Variants in EYA1 observed in about 807,000 individuals in gnomAD.
The protein encoded by EYA1 is protein phosphatase EYA1.
A neutral mutation model predicts 82.0 loss-of-function variants in EYA1; 16 were observed. The ratio of observed to expected loss-of-function variants is 0.20; its 90% CI spans 0.13 to 0.30. The LOEUF (loss-of-function observed/expected upper bound fraction) is 0.30. Among genes scored for constraint, EYA1 ranks in the 10% least tolerant of loss-of-function variants. The probability of loss-of-function intolerance (pLI) is 1.00; values close to 1 mark genes in which losing one functional copy is unlikely to be tolerated. For synonymous variants in EYA1, 261 were observed against 264.4 expected (o/e 0.99, Z 0.12); for missense variants, 633 against 730.7 (o/e 0.87, Z 1.54).
In EYA1 at chr8:71,271,841, A is replaced by T. The variant is rs1816577322; in HGVS notation, c.883T>A (p.Leu295Met). The change falls in exon 10 of 18, where the codon TTG becomes ATG. Residue 295 changes from leucine (L) to methionine (M), a missense_variant. By Grantham distance (15) the Leu-to-Met change is conservative. Coordinates refer to ENST00000340726, the MANE Select transcript of EYA1 (RefSeq NM_000503.6). ...TPIKDSDSDR[L>M]RRGSDGKSRG... is the part of the protein sequence containing the mutation. ...GATTTCCCATCTGAACCTCGACGCA[A>T]TCGATCAGAATCTGAATCTTTAATG... is the stretch of plus-strand genomic sequence containing the variant. 6.2e-7 allele frequency: 1 copy of T among 1,614,154 alleles called. No homozygotes were observed. The highest frequency in any genetic ancestry group is 1.3e-5 in the African/African-American group (1 of 75,024).
intron 17 of EYA1, among the ~76,000 whole-genome samples, chr8:71,209,280 G>A (rs1467365062): frequency 6.6e-6 from 1 of 152,194 alleles, no homozygotes; most frequent in African/African-American, 2.4e-5. Flanking sequence ...GACTTAGGCT[G>A]GGAAAGGTTT....
At chr8:71,252,741 T>A (rs1344384653) in intron 11 of EYA1, among the ~76,000 whole-genome samples, 1 of 152,226 alleles carries the variant, frequency 6.6e-6, no homozygotes, top group African/African-American at 2.4e-5. Context: ...AGATGGGATC[T>A]GAGCAATGCA....
chr8:71,529,645 T>C (rs1322290551), intron 2 of EYA1: 2 of 152,274 alleles, frequency 1.3e-5, no homozygotes, highest in Non-Finnish European at 2.9e-5. Flanking sequence ...CGACCTGCTC[T>C]ATCAGGCACA....
At chr8:71,341,151 T>C (rs1310419076) in intron 3 of EYA1, among the ~76,000 whole-genome samples, 1 of 152,090 alleles carries the variant, frequency 6.6e-6, no homozygotes, top group East Asian at 1.9e-4. Context: ...CCCGCCCGAA[T>C]CAGTAAAAAG....
Position 71,462,566 on chromosome 8 carries a change from C to T in EYA1, c.33+73178G>A, listed in dbSNP as rs1243742508. Reference sequence around the variant, plus strand: ...TGTGCAGGTGGCCCCAGCAGCTCAGCCCAGCCCTAGTGACCCCCAGGGTGG... The same window carrying T: ...TGTGCAGGTGGCCCCAGCAGCTCAGTCCAGCCCTAGTGACCCCCAGGGTGG... On this transcript the variant is annotated intron_variant, in intron 2 of 18. Transcript: ENST00000643681. 3.3e-5 allele frequency among the ~76,000 whole-genome samples: 5 copies of T among 152,300 alleles called. No individual in the cohort carries two copies. In the East Asian group the frequency reaches 5.8e-4, roughly 18 times the overall value.
intron 2 of EYA1, among the ~76,000 whole-genome samples, chr8:71,447,754 C>A (rs1331131508): frequency 1.3e-5 from 2 of 152,136 alleles, no homozygotes; most frequent in Non-Finnish European, 2.9e-5. Flanking sequence ...TCTAATAATA[C>A]AATGTACACA....
intron 14 of EYA1, 33 bp from the exon 15 acceptor site, chr8:71,215,761 C>A: frequency 7.1e-7 from 1 of 1,400,552 alleles, no homozygotes; most frequent in Admixed American, 1.7e-5. Flanking sequence ...TGAACTACTT[C>A]CTGACCAACA....
intron 1 of EYA1, among the ~76,000 whole-genome samples, chr8:71,359,295 T>C (rs2129075482): frequency 6.6e-6 from 1 of 152,292 alleles, no homozygotes; most frequent in South Asian, 2.1e-4. Context: ...TCAATTTGTC[T>C]CTCTCATTTT....
At chr8:71,221,639 C>T (rs965920801) in intron 12 of EYA1, among the ~76,000 whole-genome samples, 2 of 152,170 alleles carry the variant, frequency 1.3e-5, no homozygotes, top group Admixed American at 6.5e-5. Context: ...GAGGGCTCTT[C>T]GCCACCCACT....
chr8:71,412,271 C>G (rs1183808244), intron 2 of EYA1, among the ~76,000 whole-genome samples: 1 of 144,288 alleles, frequency 6.9e-6, no homozygotes, highest in East Asian at 2.1e-4. Context: ...GGAGATATAC[C>G]TAATGCTAGA....
Position 71,240,707 on chromosome 8 carries a change from T to C in EYA1, c.1140+3896A>G, listed in dbSNP as rs545853181. On this transcript the variant is annotated intron_variant, in intron 12 of 17. Coordinates refer to ENST00000340726, the MANE Select transcript of EYA1 (RefSeq NM_000503.6). ...CCAGACAGAAGAAGAAAATTCAACA[T>C]GAACTTAAAGCATTATTTTTATTTA... Among the ~76,000 whole-genome samples, 11 of 152,300 alleles carry C rather than the reference T, an allele frequency of 7.2e-5. No individual in the cohort carries two copies. The South Asian group carries it at 2.3e-3, about 32-fold the overall frequency.
intron 2 of EYA1, among the ~76,000 whole-genome samples, chr8:71,392,460 T>C (rs570895489): frequency 4.3e-4 from 66 of 152,310 alleles, no homozygotes; most frequent in Non-Finnish European, 4.6e-4. Context: ...GTTTTGCTCT[T>C]CCTCCCTAAT....
chr8:71,245,616 G>T (rs569543572), intron 11 of EYA1, among the ~76,000 whole-genome samples: 9 of 151,820 alleles, frequency 5.9e-5, no homozygotes, highest in African/African-American at 2.2e-4. Context: ...TCTTCTTCCA[G>T]TGTGGCCCAG....
At chr8:71,421,115 C>G (rs919759227) in intron 2 of EYA1, among the ~76,000 whole-genome samples, 1 of 152,144 alleles carries the variant, frequency 6.6e-6, no homozygotes, top group Non-Finnish European at 1.5e-5. Flanking sequence ...ATGGGGCTCT[C>G]TGAGCCTAGG....
intron 2 of EYA1, among the ~76,000 whole-genome samples, chr8:71,526,644 A>G (rs939448464): frequency 6.6e-6 from 1 of 152,236 alleles, no homozygotes; most frequent in Non-Finnish European, 1.5e-5. Context: ...GCCCCTCCAC[A>G]GGGATGCCTG....
chr8:71,265,473 T>G (rs1024210705), intron 11 of EYA1, among the ~76,000 whole-genome samples: 1 of 152,228 alleles, frequency 6.6e-6, no homozygotes, highest in African/African-American at 2.4e-5. Flanking sequence ...TATCCATATT[T>G]TTAAGATCCA....
At chr8:71,434,983 T>C (rs749054399) in intron 2 of EYA1, among the ~76,000 whole-genome samples, 1 of 151,954 alleles carries the variant, frequency 6.6e-6, no homozygotes, top group African/African-American at 2.4e-5. Context: ...CACACACACA[T>C]ATTGCACACA....
intron 1 of EYA1, among the ~76,000 whole-genome samples, chr8:71,540,112 C>T (rs1657734551): frequency 9.1e-6 from 1 of 109,642 alleles, no homozygotes; most frequent in African/African-American, 4.4e-5. Context: ...AACACAGAAA[C>T]TTTAAAGTAC....
intron 2 of EYA1, among the ~76,000 whole-genome samples, chr8:71,471,707 T>C (rs73300303): frequency 7.9e-5 from 12 of 152,224 alleles, no homozygotes; most frequent in Admixed American, 3.9e-4. Flanking sequence ...CTTCCCAAAG[T>C]ATAAAAGTGA....
Sources: allele counts gnomAD v4.1 joint callset (sites outside exome capture counted in the v4.1 genomes callset), GRCh38; gene constraint gnomAD v4.1.1; transcripts MANE v1.5; gene names NCBI Gene and HGNC (gene_info 2026-07-23, HGNC 2026-07-21).